The following OR6N2 variants were observed in gnomAD, a reference collection of about 807,000 sequenced individuals.
OR6N2 encodes olfactory receptor family 6 subfamily N member 2.
For missense variants in OR6N2, 399 were observed against 379.7 expected, an observed-to-expected ratio of 1.05 and a Z score of -0.42; for synonymous variants, 160 against 138.3, an observed-to-expected ratio of 1.16 and a Z score of -1.10.
At chr1:158,779,343 C>T (rs1401332184) in intron 1 of OR6N2, among the ~76,000 whole-genome samples, 1 of 152,118 alleles carries the variant, frequency 6.6e-6, no homozygotes, top group African/African-American at 2.4e-5. Context: ...TACTGACAAA[C>T]CAGCCTCTTG....
intron 1 of OR6N2, among the ~76,000 whole-genome samples, chr1:158,780,816 C>T (rs541259123): frequency 1.3e-5 from 2 of 152,276 alleles, no homozygotes; most frequent in Admixed American, 1.3e-4. Context: ...TTTTAGAAAC[C>T]TCTGCCTTCT....
chr1:158,777,990 C>A (rs1657654495), intron 1 of OR6N2, among the ~76,000 whole-genome samples: 1 of 152,120 alleles, frequency 6.6e-6, no homozygotes, highest in Non-Finnish European at 1.5e-5. Context: ...TTCACAGAAA[C>A]AACATTTAGA....
rs1657561304 is a variant in OR6N2 at position 158,775,196 on chromosome 1, G to A, written c.*1486C>T. The stretch of plus-strand genomic sequence containing the variant: ...GAAGAGAAGCAAAACATACTTCAGA[G>A]ATAAAAATGAGTGACATAAATTAGA... On this transcript the variant is annotated 3_prime_UTR_variant, in exon 2 of 2. Transcript: ENST00000641131. 6.6e-6 allele frequency: 1 copy of A among 152,162 alleles called. No individual in the cohort carries two copies. The highest frequency in any genetic ancestry group is 2.4e-5 in the African/African-American group (1 of 41,442). The allele number at this position is 152,162 out of a possible 1,614,324, so 9.4% of individuals were successfully genotyped here.
In OR6N2 at chr1:158,776,689, T is replaced by C. The variant is rs767136930; in HGVS notation, c.947A>G (p.His316Arg). 2.5e-6 allele frequency: 4 copies of C among 1,586,720 alleles called. No individual in the cohort carries two copies. In the African/African-American group the frequency reaches 5.4e-5, roughly 21 times the overall value. The change falls in exon 2 of 2, where the codon CAT becomes CGT. Residue 316 changes from histidine to arginine, a missense_variant. Coordinates refer to ENST00000641131, the MANE Select transcript of OR6N2 (RefSeq NM_001005278.2). ...AAGGACATGGGAAGAAAGTCAAAGA[T>C]GAGCAAGACTAGCTTTATCTCCCTT... ...FQKGDKASLA[H>R]L
chr1:158,777,919 A>C (rs1465134547), intron 1 of OR6N2, among the ~76,000 whole-genome samples: 2 of 152,194 alleles, frequency 1.3e-5, no homozygotes, highest in African/African-American at 4.8e-5. Context: ...GCAAATAAGA[A>C]AACTTGGGAA....
Position 158,776,762 on chromosome 1 carries a change from G to A in OR6N2, c.874C>T (p.Leu292Phe). 1 of 1,613,896 alleles carries A rather than the reference G, an allele frequency of 6.2e-7. No individual in the cohort carries two copies. The highest frequency in any genetic ancestry group is 8.5e-7 in the Non-Finnish European group (1 of 1,179,808). ...GCTTTAATGATTTCCTTGTTACGAA[G>A]ACTGTAGATAATTGGATTGACCATT... is the stretch of plus-strand genomic sequence containing the variant. ...TPMVNPIIYS[L>F]RNKEIIKAIK... The change falls in exon 2 of 2, where the codon CTT becomes TTT. Residue 292 changes from leucine (L) to phenylalanine (F), a missense_variant. Physicochemically the swap from Leu to Phe is conservative, Grantham distance 22. Coordinates refer to ENST00000641131, the MANE Select transcript of OR6N2 (RefSeq NM_001005278.2).
At chr1:158,779,138 G>C (rs920297186) in intron 1 of OR6N2, among the ~76,000 whole-genome samples, 1 of 151,930 alleles carries the variant, frequency 6.6e-6, no homozygotes, top group Non-Finnish European at 1.5e-5. Context: ...TAGCTGGCTT[G>C]GTGAAATTTC....
rs554914744 is a variant in OR6N2 at position 158,776,054 on chromosome 1, G to A, written c.*628C>T. 9 of 151,932 alleles carry A rather than the reference G, an allele frequency of 5.9e-5. No homozygotes were observed. Among genetic ancestry groups the A allele is most frequent in the South Asian group, 2.1e-4 (1 of 4,834 alleles). 9.4% of individuals were successfully genotyped at this position (151,932 alleles called of 1,614,324 possible). A position where few individuals can be genotyped will look rare whatever the true frequency, so the allele number is the denominator to read the frequency against. ...TATTTAAATCCATAAGAATAACTCCGAGTATCTAGGGAGATAGCACGGCAG... is the reference window on the plus strand; with the variant it reads ...TATTTAAATCCATAAGAATAACTCCAAGTATCTAGGGAGATAGCACGGCAG... On this transcript the variant is annotated 3_prime_UTR_variant, in exon 2 of 2. Transcript: ENST00000641131.
In OR6N2 at chr1:158,778,550, G is replaced by A. The variant is rs184943368; in HGVS notation, c.-6-909C>T. Among the ~76,000 whole-genome samples, 1,014 of 152,298 alleles carry A rather than the reference G, an allele frequency of 6.7e-3. 6 individuals are homozygous for A. The highest frequency in any genetic ancestry group is 0.013 in the Admixed American group (201 of 15,302). ...TTAAGACCTTAGCTCCATAGATGCAGGGCATCACTGAAGAATGTTTGCTAG... is the reference window on the plus strand; with the variant it reads ...TTAAGACCTTAGCTCCATAGATGCAAGGCATCACTGAAGAATGTTTGCTAG... On this transcript the variant is annotated intron_variant, in intron 1 of 1. Coordinates refer to ENST00000641131, the MANE Select transcript of OR6N2 (RefSeq NM_001005278.2).
rs1279033838 is a variant in OR6N2 at position 158,777,322 on chromosome 1, T to C, written c.314A>G (p.His105Arg). ...GTAGCATTCAGACGCTCCCAAGGAG[T>C]GGAAGAAGTAGGTCTGAAGGAGGCA... is the stretch of plus-strand genomic sequence containing the variant. ...AGCLLQTYFF[H>R]SLGASECYLL... Residue 105 changes from histidine to arginine, a missense_variant, in exon 2 of 2, where the codon CAC (histidine) becomes CGC (arginine). By Grantham distance (29) the His-to-Arg change is conservative. Transcript: ENST00000641131. 6.2e-7 allele frequency: 1 copy of C among 1,613,586 alleles called. No homozygotes were observed. The highest frequency in any genetic ancestry group is 8.5e-7 in the Non-Finnish European group (1 of 1,179,888).
chr1:158,776,758 C>A lies in OR6N2; in HGVS notation c.878G>T (p.Arg293Leu), dbSNP rs373599103. 1.9e-6 allele frequency: 3 copies of A among 1,613,816 alleles called. No homozygotes were observed. In the South Asian group the frequency reaches 3.3e-5, roughly 18 times the overall value. The change falls in exon 2 of 2, where the codon CGT (arginine) becomes CTT (leucine). Residue 293 changes from arginine (R) to leucine (L), a missense_variant. Arg to Leu is a moderately radical substitution (Grantham distance 102, BLOSUM62 -2). Coordinates refer to ENST00000641131, the MANE Select transcript of OR6N2 (RefSeq NM_001005278.2). ...GATAGCTTTAATGATTTCCTTGTTA[C>A]GAAGACTGTAGATAATTGGATTGAC... Reference protein sequence around the residue: ...PMVNPIIYSLRNKEIIKAIKR... With the variant: ...PMVNPIIYSLLNKEIIKAIKR...
At chr1:158,779,570 T>A (rs1053451557) in intron 1 of OR6N2, among the ~76,000 whole-genome samples, 1 of 152,252 alleles carries the variant, frequency 6.6e-6, no homozygotes, top group Non-Finnish European at 1.5e-5. Flanking sequence ...TATTTTAGAA[T>A]ACTAAATTCA....
At position 158,777,584 on chromosome 1, in the gene OR6N2, C is replaced by T; in HGVS notation, c.52G>A (p.Ala18Thr). 1.2e-6 allele frequency: 2 copies of T among 1,613,982 alleles called. No homozygotes were observed. Among genetic ancestry groups the T allele is most frequent in the Non-Finnish European group, 1.7e-6 (2 of 1,179,986 alleles). ...CAGCCCCTGACATAGCCCACACTGG[C>T]AAAGCCAAGGAACACAAATTCAGCC... Reference protein sequence around the residue: ...SLAEFVFLGFASVGYVRGWLF... With the variant: ...SLAEFVFLGFTSVGYVRGWLF... The change falls in exon 2 of 2, where the codon GCC becomes ACC. Residue 18 changes from alanine to threonine, a missense_variant. Transcript: ENST00000641131.
At position 158,775,868 on chromosome 1, in the gene OR6N2, A is replaced by T. The variant is rs554097958; in HGVS notation, c.*814T>A. ...ACAAAAGCATCAAGCTTTCATGGTT[A>T]GAAATTTTAAGAAATCAATTTTGAC... On this transcript the variant is annotated 3_prime_UTR_variant, in exon 2 of 2. Coordinates refer to ENST00000641131, the MANE Select transcript of OR6N2 (RefSeq NM_001005278.2). The T allele has an allele frequency of 6.6e-6, 1 of 152,358 alleles. No individual in the cohort carries two copies. The highest frequency in any genetic ancestry group is 1.9e-4 in the East Asian group (1 of 5,192). The allele number at this position is 152,358 out of a possible 1,614,324, so 9.4% of individuals were successfully genotyped here.
Position 158,776,578 on chromosome 1 carries a change from G to GA in OR6N2, c.*103dup, listed in dbSNP as rs1336926379. 1 of 619,458 alleles carries GA rather than the reference G, an allele frequency of 1.6e-6. No homozygotes were observed. Among genetic ancestry groups the GA allele is most frequent in the Non-Finnish European group, 2.8e-6 (1 of 358,418 alleles). The allele number at this position is 619,458 out of a possible 1,614,324, so 38.4% of individuals were successfully genotyped here. ...ATCATAAAGAAATGAAGTCTTTGAA[G>GA]AGGTGAAAGGAAATGAAATTCAGAG... On this transcript the variant is annotated 3_prime_UTR_variant, in exon 2 of 2. Transcript: ENST00000641131.
intron 1 of OR6N2, 96 bp downstream of exon 1, chr1:158,781,074 G>C (rs1657741441): frequency 6.6e-6 from 1 of 152,142 alleles, no homozygotes; most frequent in Non-Finnish European, 1.5e-5. Flanking sequence ...CCAATTGTTG[G>C]ATTTCAAAGT....
chr1:158,779,018 C>CAAA (rs10680954), intron 1 of OR6N2, among the ~76,000 whole-genome samples: 1 of 86,408 alleles, frequency 1.2e-5, no homozygotes, highest in Admixed American at 1.3e-4. Context: ...GACTGCGTCT[C>CAAA]AAAAAAAAAA....
At position 158,777,446 on chromosome 1, in the gene OR6N2, T is replaced by A. The variant is rs778398134; in HGVS notation, c.190A>T (p.Ser64Cys). 3.7e-6 allele frequency: 6 copies of A among 1,614,204 alleles called. No homozygotes were observed. Among genetic ancestry groups the A allele is most frequent in the Middle Eastern group, 1.7e-4 (1 of 6,060 alleles). Residue 64 changes from serine to cysteine, a missense_variant, in exon 2 of 2, where the codon AGT becomes TGT. Ser to Cys is a moderately radical substitution (Grantham distance 112). Coordinates refer to ENST00000641131, the MANE Select transcript of OR6N2 (RefSeq NM_001005278.2). ...CACAACTCCAAGAAGGAAAGAACAC[T>A]GACAAAGTGGTACATAGGTGTGTGC... Reference protein sequence around the residue: ...ALHTPMYHFVSVLSFLELWYT... With the variant: ...ALHTPMYHFVCVLSFLELWYT...
rs757774014 is a variant in OR6N2, at chr1:158,775,705, A to G, written c.*977T>C. 77 of 152,178 alleles carry G rather than the reference A, an allele frequency of 5.1e-4. No homozygotes were observed. The highest frequency in any genetic ancestry group is 7.6e-4 in the Non-Finnish European group (52 of 68,032). 9.4% of individuals were successfully genotyped at this position (152,178 alleles called of 1,614,324 possible). Reference sequence around the variant, plus strand: ...TTACACCAGGGTAGAAACACTAAAGAGTATAAGAAATAAATTGATTTAAGA... The same window carrying G: ...TTACACCAGGGTAGAAACACTAAAGGGTATAAGAAATAAATTGATTTAAGA... On this transcript the variant is annotated 3_prime_UTR_variant, in exon 2 of 2. Transcript: ENST00000641131.
Sources: gnomAD v4.1 joint callset for allele counts (sites outside exome capture counted in the v4.1 genomes callset) on GRCh38, gnomAD v4.1.1 for gene constraint, MANE v1.5 for transcripts, NCBI Gene and HGNC (gene_info 2026-07-23, HGNC 2026-07-21) for gene names.